CMIP: variants seen among roughly 807,000 people sequenced by gnomAD.
CMIP encodes c-Maf inducing protein.
A neutral mutation model predicts 97.3 loss-of-function variants in CMIP; 13 were observed. The ratio of observed to expected loss-of-function variants is 0.13; its 90% CI spans 0.09 to 0.21. CMIP has a LOEUF of 0.21. CMIP is among the 10% of genes least tolerant of loss of function. The pLI is 1.00. For missense variants in CMIP, 847 were observed against 1,024.9 expected (o/e 0.83, Z 2.37); for synonymous variants, 538 against 436.3 (o/e 1.23, Z -2.91).
chr16:81,480,764 G>A (rs1363897534), intron 1 of CMIP, among the ~76,000 whole-genome samples: 1 of 152,216 alleles, frequency 6.6e-6, no homozygotes, highest in East Asian at 1.9e-4. Flanking sequence ...CAGCCACCTT[G>A]TGCAAGGGGA....
intron 10 of CMIP, among the ~76,000 whole-genome samples, chr16:81,680,137 G>A (rs561890068): frequency 1.2e-4 from 19 of 152,320 alleles, no homozygotes; most frequent in Admixed American, 1.1e-3. Flanking sequence ...CAGGGCTCCC[G>A]GGGCCCTCAG....
chr16:81,646,087 T>C (rs2092361317), intron 3 of CMIP, among the ~76,000 whole-genome samples: 1 of 149,860 alleles, frequency 6.7e-6, no homozygotes, highest in Admixed American at 6.6e-5. Flanking sequence ...GGATGGTAGA[T>C]GGGTGATGAA....
At chr16:81,575,893 A>G (rs2091180546) in intron 1 of CMIP, among the ~76,000 whole-genome samples, 1 of 152,172 alleles carries the variant, frequency 6.6e-6, no homozygotes, top group South Asian at 2.1e-4. Flanking sequence ...TTCCTTGACA[A>G]ACACTTGGAT....
intron 1 of CMIP, among the ~76,000 whole-genome samples, chr16:81,566,227 A>ATG (rs2090981681): frequency 6.6e-6 from 1 of 152,160 alleles, no homozygotes; most frequent in Admixed American, 6.5e-5. Flanking sequence ...AGATAAAATT[A>ATG]TGTGCTTGGG....
intron 1 of CMIP, among the ~76,000 whole-genome samples, chr16:81,486,439 C>T (rs901311329): frequency 6.6e-6 from 1 of 152,202 alleles, no homozygotes; most frequent in African/African-American, 2.4e-5. Context: ...TCACCTCATA[C>T]GTCCTAGGCC....
At chr16:81,495,118 G>T (rs909453602) in intron 1 of CMIP, among the ~76,000 whole-genome samples, 3 of 152,204 alleles carry the variant, frequency 2.0e-5, no homozygotes, top group African/African-American at 7.2e-5. Context: ...GACCTCATAT[G>T]CTGTCCGTGG....
intron 1 of CMIP, among the ~76,000 whole-genome samples, chr16:81,592,561 C>A (rs776679693): frequency 6.6e-6 from 1 of 152,182 alleles, no homozygotes; most frequent in African/African-American, 2.4e-5. Context: ...TTTGCACTCC[C>A]CATTACTTTG....
intron 11 of CMIP, 144 bp downstream of exon 11, chr16:81,691,984 C>A: frequency 2.8e-6 from 2 of 718,326 alleles, no homozygotes; most frequent in South Asian, 1.6e-5. Flanking sequence ...ACCAGCTCAG[C>A]CACGTCCTCA....
At chr16:81,635,406 A>T (rs1310476957) in intron 3 of CMIP, among the ~76,000 whole-genome samples, 1 of 152,152 alleles carries the variant, frequency 6.6e-6, no homozygotes, top group Non-Finnish European at 1.5e-5. Flanking sequence ...GGTATATCCT[A>T]CCTCTGCTTA....
At chr16:81,639,822 T>C (rs997444433) in intron 3 of CMIP, among the ~76,000 whole-genome samples, 2 of 152,196 alleles carry the variant, frequency 1.3e-5, no homozygotes, top group Non-Finnish European at 2.9e-5. Flanking sequence ...GACTCCGTTA[T>C]TGGAATTCTA....
chr16:81,456,744 T>G (rs1193196666), intron 1 of CMIP, among the ~76,000 whole-genome samples: 1 of 152,008 alleles, frequency 6.6e-6, no homozygotes, highest in African/African-American at 2.4e-5. Context: ...TAAGCAGAGT[T>G]TTGGGGCTGC....
intron 1 of CMIP, among the ~76,000 whole-genome samples, chr16:81,542,258 GCCAAGTCTTTTA>G (rs1438481038): frequency 6.6e-6 from 1 of 152,188 alleles, no homozygotes; most frequent in Non-Finnish European, 1.5e-5. Flanking sequence ...GAAAATGGGA[GCCAAGTCTTTTA>G]CCTGTGAATG....
chr16:81,559,791 C>T (rs1433236298), intron 1 of CMIP, among the ~76,000 whole-genome samples: 1 of 152,052 alleles, frequency 6.6e-6, no homozygotes, highest in East Asian at 1.9e-4. Flanking sequence ...TATACTCCTT[C>T]TAGTTATAAA....
Position 81,691,829 on chromosome 16 carries a change from A to G in CMIP, c.1443A>G (p.Pro481=). 6.2e-7 allele frequency: 1 copy of G among 1,613,604 alleles called. No individual in the cohort carries two copies. The highest frequency in any genetic ancestry group is 8.5e-7 in the Non-Finnish European group (1 of 1,179,680). The stretch of plus-strand genomic sequence containing the variant: ...TGGCCAGTTTGCTTCAACCCATTCC[A>G]TTCCCCAAAGAGTAAGTCCCGTGTG... The part of the protein sequence containing the change: ...PSLASLLQPI[P]FPKEALAHEK... Residue 481 remains proline (P), a synonymous_variant, in exon 11 of 21, where the codon CCA becomes CCG. Coordinates refer to ENST00000537098, the MANE Select transcript of CMIP (RefSeq NM_198390.3).
intron 1 of CMIP, among the ~76,000 whole-genome samples, chr16:81,543,724 A>T (rs761254695): frequency 6.6e-6 from 1 of 152,206 alleles, no homozygotes; most frequent in Non-Finnish European, 1.5e-5. Context: ...CTAACAAAGG[A>T]TGGGGATTTA....
intron 1 of CMIP, among the ~76,000 whole-genome samples, chr16:81,566,537 T>C (rs2090986900): frequency 6.6e-6 from 1 of 152,236 alleles, no homozygotes; most frequent in Non-Finnish European, 1.5e-5. Context: ...TTACTAGATC[T>C]CTGTTTCTTC....
chr16:81,476,240 C>G (rs117369538), intron 1 of CMIP: 4 of 1,477,486 alleles, frequency 2.7e-6, no homozygotes, highest in Non-Finnish European at 2.8e-6. Context: ...ATGCCGGGAC[C>G]TGTATGCTTT....
intron 1 of CMIP, among the ~76,000 whole-genome samples, chr16:81,500,076 C>G (rs180945309): frequency 6.6e-6 from 1 of 152,322 alleles, no homozygotes; most frequent in African/African-American, 2.4e-5. Context: ...TCAGCCACTC[C>G]TTGGTCTCTG....
In CMIP at chr16:81,558,542, A is replaced by C. The variant is rs144993654; in HGVS notation, c.301-49025A>C. ...TGCTCAGTGCCCTGCCACACACAGG[A>C]CACCGCAGAGATGACCTAGCCCCAA... On this transcript the variant is annotated intron_variant, in intron 1 of 20. Transcript: ENST00000537098. Among the ~76,000 whole-genome samples, 206 of 152,312 alleles carry C rather than the reference A, an allele frequency of 1.4e-3. 2 individuals are homozygous for C. Among genetic ancestry groups the C allele is most frequent in the African/African-American group, 4.9e-3 (202 of 41,582 alleles).
Sources: gnomAD v4.1 joint callset for allele counts (sites outside exome capture counted in the v4.1 genomes callset) on GRCh38, gnomAD v4.1.1 for gene constraint, MANE v1.5 for transcripts, NCBI Gene and HGNC (gene_info 2026-07-23, HGNC 2026-07-21) for gene names.